Variants in ARRDC4 observed in about 807,000 individuals in gnomAD.
ARRDC4 encodes the protein arrestin domain-containing protein 4.
In ARRDC4, 40 loss-of-function variants were observed where a neutral mutation model predicts 44.6. The observed-to-expected ratio is 0.90, with a 90% confidence interval of 0.70 to 1.17. The LOEUF (loss-of-function observed/expected upper bound fraction) is 1.17, where lower values mean the gene tolerates loss of function less well. Ranked by LOEUF, ARRDC4 falls within the 50% of genes most tolerant of loss-of-function variation. The pLI, the probability that ARRDC4 is intolerant of heterozygous loss-of-function variation, is 0.00. For synonymous variants in ARRDC4, 211 were observed against 221.2 expected (o/e 0.95, Z 0.41); for missense variants, 550 against 559.1 (o/e 0.98, Z 0.16).
rs1899440576 is a variant in ARRDC4, at chr15:97,967,646, CCTGA to C, written c.523-365_523-362del. 2.0e-5 allele frequency among the ~76,000 whole-genome samples: 3 copies of C among 152,014 alleles called. No individual in the cohort carries two copies. Among genetic ancestry groups the C allele is most frequent in the African/African-American group, 4.8e-5 (2 of 41,400 alleles). ...TATTTTTATATCATTTATCCTTCCACCTGACTTTTATATATAAAGTCTTAAAAAT... is the reference window on the plus strand; with the variant it reads ...TATTTTTATATCATTTATCCTTCCACCTTTTATATATAAAGTCTTAAAAAT... On this transcript the variant is annotated intron_variant, in intron 3 of 7. Transcript: ENST00000268042. This position sits in a 1 kb window ranked among gnomAD's most constrained non-coding sequence, Gnocchi z 5.0.
chr15:97,964,997 T>TATATACACACAC (rs1555456248), intron 1 of ARRDC4, among the ~76,000 whole-genome samples: 1 of 147,828 alleles, frequency 6.8e-6, no homozygotes, highest in African/African-American at 2.5e-5. Flanking sequence ...GATTTTTACA[T>TATATACACACAC]ACACACACAC....
rs374707622 is a variant in ARRDC4, at chr15:97,971,189, C to T, written c.*2C>T. Reference sequence around the variant, plus strand: ...CAGCCTGTTTCCTTCATTCTCTGAACGTATTTCAGAAATCACTGTGTTCAT... The same window carrying T: ...CAGCCTGTTTCCTTCATTCTCTGAATGTATTTCAGAAATCACTGTGTTCAT... On this transcript the variant is annotated 3_prime_UTR_variant, in exon 8 of 8. Coordinates refer to ENST00000268042, the MANE Select transcript of ARRDC4 (RefSeq NM_183376.3). The T allele has an allele frequency of 9.9e-5, 159 of 1,612,084 alleles. No homozygotes were observed. Among genetic ancestry groups the T allele is most frequent in the Non-Finnish European group, 1.3e-4 (148 of 1,178,412 alleles).
Position 97,968,981 on chromosome 15 carries a change from T to C in ARRDC4, c.626-142T>C. On this transcript the variant is annotated intron_variant, in intron 4 of 7. Transcript: ENST00000268042. This position sits in a 1 kb window ranked among gnomAD's most constrained non-coding sequence, Gnocchi z 5.4. ...GCAGTGAATTTTTATTTCTCTGGCT[T>C]GAATTTACAATATGTTTTCCATCAA... 1.1e-6 allele frequency: 1 copy of C among 898,518 alleles called. No individual in the cohort carries two copies. The highest frequency in any genetic ancestry group is 1.7e-6 in the Non-Finnish European group (1 of 598,890). 55.7% of individuals were successfully genotyped at this position (898,518 alleles called of 1,614,324 possible).
At chr15:97,962,319 G>A (rs889931936) in intron 1 of ARRDC4, among the ~76,000 whole-genome samples, 1 of 152,334 alleles carries the variant, frequency 6.6e-6, no homozygotes, top group African/African-American at 2.4e-5. Context: ...AATGGGAACA[G>A]TGTGTTAGTG....
At chr15:97,964,834 G>A (rs187774418) in intron 1 of ARRDC4, among the ~76,000 whole-genome samples, 27 of 152,256 alleles carry the variant, frequency 1.8e-4, no homozygotes, top group Middle Eastern at 6.8e-3. Flanking sequence ...TATTCATAAA[G>A]TTTTCACTCC....
intron 1 of ARRDC4, among the ~76,000 whole-genome samples, chr15:97,964,997 T>TATATAC (rs1555456248): frequency 0.035 from 5,147 of 147,926 alleles, 149 homozygotes; most frequent in African/African-American, 0.079. Flanking sequence ...GATTTTTACA[T>TATATAC]ACACACACAC....
Position 97,960,959 on chromosome 15 carries a change from C to A in ARRDC4, c.98C>A (p.Ser33Tyr). Residue 33 changes from serine to tyrosine, a missense_variant, in exon 1 of 8, where the codon TCC (serine) becomes TAC (tyrosine). By Grantham distance (144) the Ser-to-Tyr change is moderately radical. Transcript: ENST00000268042. Reference protein sequence around the residue: ...VFEDERKGCYSSGETVAGHVL... With the variant: ...VFEDERKGCYYSGETVAGHVL... The stretch of plus-strand genomic sequence containing the variant: ...GAGGACGAGCGCAAGGGCTGCTATT[C>A]CAGCGGCGAGACAGTGGCCGGGCAC... 2.7e-6 allele frequency: 4 copies of A among 1,468,374 alleles called. No individual in the cohort carries two copies. Among genetic ancestry groups the A allele is most frequent in the Non-Finnish European group, 3.6e-6 (4 of 1,108,398 alleles). 91.0% of individuals were successfully genotyped at this position (1,468,374 alleles called of 1,614,324 possible).
rs150017247 is a variant in ARRDC4 at position 97,966,007 on chromosome 15, G to A, written c.487G>A (p.Val163Ile). 6.2e-7 allele frequency: 1 copy of A among 1,614,126 alleles called. No homozygotes were observed. The highest frequency in any genetic ancestry group is 1.3e-5 in the African/African-American group (1 of 75,034). ...GAGTGTAAAGCGGGAACTCCAGGTT[G>A]TTAGTCATGTCGATGTCAACACACC... ...DQSVKRELQV[V>I]SHVDVNTPAL... Residue 163 changes from valine (V) to isoleucine (I), a missense_variant, in exon 3 of 8, where the codon GTT becomes ATT. Physicochemically the swap from Val to Ile is conservative, Grantham distance 29. Coordinates refer to ENST00000268042, the MANE Select transcript of ARRDC4 (RefSeq NM_183376.3). The surrounding 1 kb of genome is among the most constrained non-coding windows in gnomAD (Gnocchi z 4.7).
At chr15:97,969,519 G>A (rs1409096052) in intron 5 of ARRDC4, 140 bp downstream of exon 5, 6 of 997,724 alleles carry the variant, frequency 6.0e-6, no homozygotes, top group Non-Finnish European at 7.2e-6. Flanking sequence ...ATGAAGATTG[G>A]CCCTTGTTTT....
At chr15:97,963,627 G>A (rs981292164) in intron 1 of ARRDC4, among the ~76,000 whole-genome samples, 6 of 152,054 alleles carry the variant, frequency 3.9e-5, no homozygotes, top group African/African-American at 1.4e-4. Flanking sequence ...TGAAGATGTC[G>A]GGCCCACCCA....
Position 97,967,939 on chromosome 15 carries a change from T to G in ARRDC4, c.523-75T>G. On this transcript the variant is annotated intron_variant, in intron 3 of 7. Coordinates refer to ENST00000268042, the MANE Select transcript of ARRDC4 (RefSeq NM_183376.3). This position sits in a 1 kb window ranked among gnomAD's most constrained non-coding sequence, Gnocchi z 5.0. ...TTTCCTTACAACCATTCTGTGAAGA[T>G]AGATATAATTTTAAGTTCTATGAGT... The G allele has an allele frequency of 2.2e-6, 2 of 893,320 alleles. No homozygotes were observed. Among genetic ancestry groups the G allele is most frequent in the Non-Finnish European group, 1.7e-6 (1 of 591,130 alleles). The allele number at this position is 893,320 out of a possible 1,614,324, so 55.3% of individuals were successfully genotyped here. A position where few individuals can be genotyped will look rare whatever the true frequency, so the allele number is the denominator to read the frequency against.
Position 97,967,321 on chromosome 15 carries a change from GT to G in ARRDC4, c.523-689del, listed in dbSNP as rs1284795789. Among the ~76,000 whole-genome samples the G allele has an allele frequency of 6.6e-6, 1 of 152,116 alleles. No homozygotes were observed. Among genetic ancestry groups the G allele is most frequent in the Non-Finnish European group, 1.5e-5 (1 of 68,024 alleles). ...AAAAAAAAATATTGCAAGTAACTGG[GT>G]TTTACAGAAAGCTTTGGTGTGTGTA... is the stretch of plus-strand genomic sequence containing the variant. On this transcript the variant is annotated intron_variant, in intron 3 of 7. Coordinates refer to ENST00000268042, the MANE Select transcript of ARRDC4 (RefSeq NM_183376.3). This position sits in a 1 kb window ranked among gnomAD's most constrained non-coding sequence, Gnocchi z 5.0.
At chr15:97,962,541 C>T (rs1899339720) in intron 1 of ARRDC4, among the ~76,000 whole-genome samples, 1 of 152,074 alleles carries the variant, frequency 6.6e-6, no homozygotes, top group Non-Finnish European at 1.5e-5. Context: ...AGCAGTTGAA[C>T]CTGGGATTAG....
chr15:97,971,026 G>A, intron 7 of ARRDC4, 105 bp from the exon 8 acceptor site: 2 of 1,297,834 alleles, frequency 1.5e-6, no homozygotes, highest in Non-Finnish European at 2.2e-6. Context: ...GACTTACACA[G>A]GCTCTGACCA....
chr15:97,968,092 A>G lies in ARRDC4; in HGVS notation c.601A>G (p.Ile201Val). 6.2e-7 allele frequency: 1 copy of G among 1,603,178 alleles called. No homozygotes were observed. The highest frequency in any genetic ancestry group is 8.5e-7 in the Non-Finnish European group (1 of 1,174,850). Reference protein sequence around the residue: ...TSGPVSLSAKIERKGYCNGEA... With the variant: ...TSGPVSLSAKVERKGYCNGEA... ...TGGTCCAGTCTCGCTGAGTGCCAAA[A>G]TTGAAAGAAAGGGATACTGTAATGG... The change falls in exon 4 of 8, where the codon ATT (isoleucine) becomes GTT (valine). Residue 201 changes from isoleucine (I) to valine (V), a missense_variant. By Grantham distance (29) the Ile-to-Val change is conservative. Coordinates refer to ENST00000268042, the MANE Select transcript of ARRDC4 (RefSeq NM_183376.3). This position sits in a 1 kb window ranked among gnomAD's most constrained non-coding sequence, Gnocchi z 5.4.
Position 97,963,638 on chromosome 15 carries a change from T to C in ARRDC4, c.308-1962T>C, listed in dbSNP as rs79294648. ...GTCCTGAAGATGTCGGGCCCACCCA[T>C]GTTCCTATGTGGGTGCTCTAGGTTC... On this transcript the variant is annotated intron_variant, in intron 1 of 7. Transcript: ENST00000268042. Among the ~76,000 whole-genome samples the C allele has an allele frequency of 1.8e-3, 277 of 152,312 alleles. 1 individual carries two copies. The highest frequency in any genetic ancestry group is 6.6e-3 in the African/African-American group (274 of 41,564).
chr15:97,965,847 G>C lies in ARRDC4; in HGVS notation c.375-48G>C. ...TTTAAACCATGCTTTTTTTGGCTTT[G>C]TTTAACTGAAAAGTAAACTCATAAT... On this transcript the variant is annotated intron_variant, in intron 2 of 7. Transcript: ENST00000268042. The surrounding 1 kb of genome is among the most constrained non-coding windows in gnomAD (Gnocchi z 5.1). 1 of 1,589,334 alleles carries C rather than the reference G, an allele frequency of 6.3e-7. No individual in the cohort carries two copies.
In ARRDC4 at chr15:97,971,177, T is replaced by G. The variant is rs1899507580; in HGVS notation, c.1247T>G (p.Phe416Cys). Reference protein sequence around the residue: ...SDVEESQPVSFIL With the variant: ...SDVEESQPVSCIL ...GTAGAAGAGAGCCAGCCTGTTTCCT[T>G]CATTCTCTGAACGTATTTCAGAAAT... Residue 416 changes from phenylalanine (F) to cysteine (C), a missense_variant, in exon 8 of 8, where the codon TTC becomes TGC. Transcript: ENST00000268042. 6.2e-7 allele frequency: 1 copy of G among 1,613,234 alleles called. No individual in the cohort carries two copies. The highest frequency in any genetic ancestry group is 8.5e-7 in the Non-Finnish European group (1 of 1,179,272).
chr15:97,967,548 G>A lies in ARRDC4; in HGVS notation c.523-466G>A, dbSNP rs1461288626. Among the ~76,000 whole-genome samples, 4 of 151,976 alleles carry A rather than the reference G, an allele frequency of 2.6e-5. No homozygotes were observed. The East Asian group carries it at 7.7e-4, about 29-fold the overall frequency. On this transcript the variant is annotated intron_variant, in intron 3 of 7. Coordinates refer to ENST00000268042, the MANE Select transcript of ARRDC4 (RefSeq NM_183376.3). This position sits in a 1 kb window ranked among gnomAD's most constrained non-coding sequence, Gnocchi z 5.0. The stretch of plus-strand genomic sequence containing the variant: ...TGCTTGATAATGCATTTTGAAGTAA[G>A]TGGTGGGAAAAGGCTGTTTGTTTAT...
Sources: allele counts gnomAD v4.1 joint callset (sites outside exome capture counted in the v4.1 genomes callset), GRCh38; gene constraint gnomAD v4.1.1; non-coding constraint Gnocchi (gnomAD v3.1); transcripts MANE v1.5; gene names NCBI Gene and HGNC (gene_info 2026-07-23, HGNC 2026-07-21).